GRM3: variants seen among roughly 807,000 people sequenced by gnomAD.
The protein encoded by GRM3 is glutamate metabotropic receptor 3.
GRM3 carries 26 observed loss-of-function variants against 70.5 expected under a neutral mutation model. The observed-to-expected ratio is 0.37, with a 90% CI of 0.27 to 0.51. GRM3 has a LOEUF of 0.51. Among genes scored for constraint, GRM3 ranks in the 20% least tolerant of loss-of-function variants. The pLI is 0.93. For missense variants in GRM3, 859 were observed against 1,123.8 expected, an observed-to-expected ratio of 0.76 and a Z score of 3.37; for synonymous variants, 443 against 434.9, an observed-to-expected ratio of 1.02 and a Z score of -0.23.
At chr7:86,770,832 A>C (rs1796721044) in intron 2 of GRM3, among the ~76,000 whole-genome samples, 1 of 151,480 alleles carries the variant, frequency 6.6e-6, no homozygotes, top group Admixed American at 6.6e-5. Context: ...AAACAAGTAC[A>C]CTCTCTCTGT....
rs551218846 is a variant in GRM3 at position 86,777,826 on chromosome 7, A to G, written c.469-8435A>G. The stretch of plus-strand genomic sequence containing the variant: ...ACCACCTCCAGTTCCAGTTTAAAAT[A>G]CAAGCCAATCTGGGATTTTGTACAG... On this transcript the variant is annotated intron_variant, in intron 2 of 5. Coordinates refer to ENST00000361669, the MANE Select transcript of GRM3 (RefSeq NM_000840.3). Among the ~76,000 whole-genome samples the G allele has an allele frequency of 3.3e-5, 5 of 152,300 alleles. 1 individual carries two copies. In the South Asian group the frequency reaches 1.0e-3, roughly 32 times the overall value.
In GRM3 at chr7:86,660,503, A is replaced by G. The variant is rs149191944; in HGVS notation, c.-141+15631A>G. Reference sequence around the variant, plus strand: ...GAAAACAAAAAACAGAATGCTTGATAATCTTTATTTTGATAATTTGGTTTT... The same window carrying G: ...GAAAACAAAAAACAGAATGCTTGATGATCTTTATTTTGATAATTTGGTTTT... On this transcript the variant is annotated intron_variant, in intron 1 of 5. Coordinates refer to ENST00000361669, the MANE Select transcript of GRM3 (RefSeq NM_000840.3). 4.5e-4 allele frequency among the ~76,000 whole-genome samples: 69 copies of G among 152,156 alleles called. 1 individual carries two copies. The East Asian group carries it at 0.013, about 29-fold the overall frequency.
At chr7:86,665,947 G>T (rs183279508) in intron 1 of GRM3, among the ~76,000 whole-genome samples, 1 of 152,110 alleles carries the variant, frequency 6.6e-6, no homozygotes, top group Admixed American at 6.6e-5. Context: ...AATGTGGGCT[G>T]TTAGACACAT....
At chr7:86,652,569 T>C (rs1022206794) in intron 1 of GRM3, among the ~76,000 whole-genome samples, 6 of 152,074 alleles carry the variant, frequency 3.9e-5, no homozygotes, top group African/African-American at 1.4e-4. Context: ...GACCTCATGA[T>C]CCTCCCACCT....
intron 1 of GRM3, among the ~76,000 whole-genome samples, chr7:86,658,657 G>A (rs548500073): frequency 1.3e-5 from 2 of 152,264 alleles, no homozygotes; most frequent in African/African-American, 2.4e-5. Context: ...AGCAAAGTAA[G>A]TACTGCATAC....
intron 1 of GRM3, among the ~76,000 whole-genome samples, chr7:86,666,247 A>C (rs953771451): frequency 3.9e-5 from 6 of 152,028 alleles, no homozygotes; most frequent in African/African-American, 1.4e-4. Flanking sequence ...AAATGACCTG[A>C]TTAGCTTCCC....
intron 3 of GRM3, among the ~76,000 whole-genome samples, chr7:86,825,851 G>A (rs1010653983): frequency 3.3e-5 from 5 of 152,150 alleles, no homozygotes; most frequent in African/African-American, 1.2e-4. Context: ...TTAATAGTTT[G>A]CACGGTTGGC....
chr7:86,706,209 T>A (rs1255042252), intron 1 of GRM3, among the ~76,000 whole-genome samples: 2 of 152,066 alleles, frequency 1.3e-5, no homozygotes, highest in African/African-American at 2.4e-5. Flanking sequence ...GCCCTGAAGG[T>A]CAAGGCACAG....
chr7:86,684,842 G>T (rs1367304974), intron 1 of GRM3, among the ~76,000 whole-genome samples: 1 of 152,144 alleles, frequency 6.6e-6, no homozygotes, highest in Non-Finnish European at 1.5e-5. Context: ...TTCTAGCTTT[G>T]TGACCATGGG....
At chr7:86,726,041 C>T (rs990752021) in intron 1 of GRM3, among the ~76,000 whole-genome samples, 1 of 152,184 alleles carries the variant, frequency 6.6e-6, no homozygotes, top group Admixed American at 6.5e-5. Flanking sequence ...GGGTCACAAA[C>T]ATTTAGACCA....
intron 1 of GRM3, among the ~76,000 whole-genome samples, chr7:86,674,299 T>TA (rs1270734040): frequency 6.9e-6 from 1 of 144,474 alleles, no homozygotes; most frequent in Non-Finnish European, 1.6e-5. Context: ...TGGGCTTGTC[T>TA]ACAAGTCTTT....
intron 3 of GRM3, among the ~76,000 whole-genome samples, chr7:86,811,020 T>C (rs1361331230): frequency 1.3e-5 from 2 of 151,936 alleles, no homozygotes; most frequent in Non-Finnish European, 2.9e-5. Context: ...AGTGTCATTT[T>C]TCCTGTTTGT....
chr7:86,712,826 T>A (rs1331562825), intron 1 of GRM3, among the ~76,000 whole-genome samples: 2 of 152,164 alleles, frequency 1.3e-5, no homozygotes, highest in East Asian at 3.9e-4. Context: ...TTATTTTATA[T>A]GCCTGAATAA....
chr7:86,775,095 T>C (rs1796852239), intron 2 of GRM3: 1 of 152,114 alleles, frequency 6.6e-6, no homozygotes, highest in African/African-American at 2.4e-5. Context: ...TTTCAACTGT[T>C]AACAATGTTT....
intron 1 of GRM3, among the ~76,000 whole-genome samples, chr7:86,759,830 G>GTTTTTCTCTA (rs1796436341): frequency 6.6e-6 from 1 of 152,010 alleles, no homozygotes; most frequent in African/African-American, 2.4e-5. Context: ...AAGACTTCTG[G>GTTTTTCTCTA]GGAAAAATAC....
intron 1 of GRM3, among the ~76,000 whole-genome samples, chr7:86,739,042 A>G (rs1795926231): frequency 6.6e-6 from 1 of 152,204 alleles, no homozygotes; most frequent in Admixed American, 6.5e-5. Flanking sequence ...CAGTGGTGCC[A>G]TCTTGGCTCC....
chr7:86,820,793 G>C (rs1798104081), intron 3 of GRM3, among the ~76,000 whole-genome samples: 1 of 152,110 alleles, frequency 6.6e-6, no homozygotes, highest in African/African-American at 2.4e-5. Context: ...AAAAAAAACA[G>C]GAATAGAAAA....
chr7:86,793,311 G>A (rs1469562860), intron 3 of GRM3, among the ~76,000 whole-genome samples: 1 of 152,108 alleles, frequency 6.6e-6, no homozygotes. Flanking sequence ...GTTTTAGCTG[G>A]CCCCAACCCA....
intron 2 of GRM3, among the ~76,000 whole-genome samples, chr7:86,778,164 C>T (rs1796944288): frequency 6.6e-6 from 1 of 152,150 alleles, no homozygotes; most frequent in Non-Finnish European, 1.5e-5. Context: ...GATTACAGGG[C>T]AGTAGCAATG....
Sources: gnomAD v4.1 joint callset for allele counts (sites outside exome capture counted in the v4.1 genomes callset) on GRCh38, gnomAD v4.1.1 for gene constraint, MANE v1.5 for transcripts, NCBI Gene and HGNC (gene_info 2026-07-23, HGNC 2026-07-21) for gene names.